FUT5: variants seen among roughly 807,000 people sequenced by gnomAD.
FUT5 encodes fucosyltransferase 5, also known as 4-galactosyl-N-acetylglucosaminide 3-alpha-L-fucosyltransferase FUT5.
A neutral mutation model predicts 0.8 loss-of-function variants in FUT5; 1 was observed. That is an observed-to-expected ratio of 1.26 (90% confidence interval 0.45 to 5.99). FUT5 has a LOEUF of 5.99. Ranked by LOEUF, FUT5 falls within the 30% of genes most tolerant of loss-of-function variation. FUT5 has a pLI of 0.15. For synonymous variants in FUT5, 212 were observed against 225.7 expected, an observed-to-expected ratio of 0.94 and a Z score of 0.54; for missense variants, 437 against 517.8, an observed-to-expected ratio of 0.84 and a Z score of 1.51.
Position 5,867,041 on chromosome 19 carries a change from G to A in FUT5, c.685C>T (p.His229Tyr), listed in dbSNP as rs760552998. 16 of 1,613,506 alleles carry A rather than the reference G, an allele frequency of 9.9e-6. No individual in the cohort carries two copies. The highest frequency in any genetic ancestry group is 5.3e-5 in the African/African-American group (4 of 74,872). The change falls in exon 2 of 2, where the codon CAT becomes TAT. Residue 229 changes from histidine to tyrosine, a missense_variant. Transcript: ENST00000588525. This position sits in a 1 kb window ranked among gnomAD's most constrained non-coding sequence, Gnocchi z 5.0. ...RVRYYQSLQA[H>Y]LKVDVYGRSH... ...CGTCCGTACACGTCCACCTTGAGAT[G>A]AGCCTGCAGGCTCTGGTAGTAGCGC...
chr19:5,867,387 G>A lies in FUT5; in HGVS notation c.339C>T (p.Tyr113=), dbSNP rs758230697. The A allele has an allele frequency of 8.7e-6, 14 of 1,613,810 alleles. No individual in the cohort carries two copies. The highest frequency in any genetic ancestry group is 6.7e-5 in the African/African-American group (5 of 74,914). The change falls in exon 2 of 2, where the codon TAC becomes TAT. Residue 113 remains tyrosine (Y), a synonymous_variant. Transcript: ENST00000588525. This position sits in a 1 kb window ranked among gnomAD's most constrained non-coding sequence, Gnocchi z 5.0. ...GCACGATGACCGCGTCTGCCTGTGG[G>A]TACACACTGGAGTCGGCAGTGATGT... ...DCNITADSSV[Y]PQADAVIVHH...
chr19:5,869,024 C>T (rs564581880), intron 1 of FUT5, among the ~76,000 whole-genome samples: 5 of 151,558 alleles, frequency 3.3e-5, no homozygotes, highest in Admixed American at 1.3e-4. Flanking sequence ...CTCTGTCGCC[C>T]AGGCTAGAGT....
At chr19:5,870,299 C>T (rs2057518762) in intron 1 of FUT5, among the ~76,000 whole-genome samples, 166 bp downstream of exon 1, 1 of 152,042 alleles carries the variant, frequency 6.6e-6, no homozygotes, top group Non-Finnish European at 1.5e-5. Context: ...ATACTTATCA[C>T]ATCACCAGCA....
At chr19:5,868,035 C>A (rs905705214) in intron 1 of FUT5, among the ~76,000 whole-genome samples, 1 of 152,130 alleles carries the variant, frequency 6.6e-6, no homozygotes, top group African/African-American at 2.4e-5. Flanking sequence ...AGTTTGCAGA[C>A]AAAGAAAAGG....
chr19:5,869,148 A>AT (rs923749095), intron 1 of FUT5, among the ~76,000 whole-genome samples: 3 of 150,244 alleles, frequency 2.0e-5, no homozygotes, highest in African/African-American at 4.9e-5. Context: ...TGCCCGGCTA[A>AT]TTTTTTTTTG....
rs911408558 is a variant in FUT5, at chr19:5,867,995, C to T, written c.-12-258G>A. Among the ~76,000 whole-genome samples the T allele has an allele frequency of 2.0e-5, 3 of 152,078 alleles. No individual in the cohort carries two copies. The highest frequency in any genetic ancestry group is 6.6e-5 in the Admixed American group (1 of 15,264). On this transcript the variant is annotated intron_variant, in intron 1 of 1. Coordinates refer to ENST00000588525, the MANE Select transcript of FUT5 (RefSeq NM_002034.2). The surrounding 1 kb of genome is among the most constrained non-coding windows in gnomAD (Gnocchi z 5.0). Reference sequence around the variant, plus strand: ...CCGTTGGATGAGGAAAGAGCCAGTGCCAAAGCCTGGCGGGGTGAGACACCT... The same window carrying T: ...CCGTTGGATGAGGAAAGAGCCAGTGTCAAAGCCTGGCGGGGTGAGACACCT...
chr19:5,868,773 C>G (rs2057514162), intron 1 of FUT5, among the ~76,000 whole-genome samples: 1 of 152,104 alleles, frequency 6.6e-6, no homozygotes, highest in Admixed American at 6.6e-5. Context: ...GGAGATCACA[C>G]CACTGAACGC....
chr19:5,866,212 G>A lies in FUT5; in HGVS notation c.*389C>T, dbSNP rs979014568. 1.3e-5 allele frequency: 5 copies of A among 372,948 alleles called. No homozygotes were observed. The highest frequency in any genetic ancestry group is 7.7e-5 in the Admixed American group (2 of 26,040). The allele number at this position is 372,948 out of a possible 1,614,324, so 23.1% of individuals were successfully genotyped here. On this transcript the variant is annotated 3_prime_UTR_variant, in exon 2 of 2. Transcript: ENST00000588525. This position sits in a 1 kb window ranked among gnomAD's most constrained non-coding sequence, Gnocchi z 4.9. ...TCCCTTGGGCCCTGTGCCTCCCAGC[G>A]GGTGAGGCTCCTAGCAGGTGACATT... is the stretch of plus-strand genomic sequence containing the variant.
Position 5,867,541 on chromosome 19 carries a change from G to A in FUT5, c.185C>T (p.Ser62Phe), listed in dbSNP as rs2057509689. 6.2e-7 allele frequency: 1 copy of A among 1,613,448 alleles called. No homozygotes were observed. Among genetic ancestry groups the A allele is most frequent in the Non-Finnish European group, 8.5e-7 (1 of 1,180,022 alleles). Residue 62 changes from serine (S) to phenylalanine (F), a missense_variant, in exon 2 of 2, where the codon TCC becomes TTC. By Grantham distance (155) the Ser-to-Phe change is radical. This residue lies in a region of FUT5 where 261 missense variants were observed against 242.6 expected (regional missense o/e 1.08). Coordinates refer to ENST00000588525, the MANE Select transcript of FUT5 (RefSeq NM_002034.2). This position sits in a 1 kb window ranked among gnomAD's most constrained non-coding sequence, Gnocchi z 5.0. Reference sequence around the variant, plus strand: ...GGTCGCCATGCTGTCCTGGCAGCGGGACCCATTGGGAGCCCCGGTGACAGG... The same window carrying A: ...GGTCGCCATGCTGTCCTGGCAGCGGAACCCATTGGGAGCCCCGGTGACAGG... ...VEPVTGAPNG[S>F]RCQDSMATPA...
chr19:5,866,522 TC>T lies in FUT5; in HGVS notation c.*78del, dbSNP rs773820613. 2 of 1,607,608 alleles carry T rather than the reference TC, an allele frequency of 1.2e-6. No individual in the cohort carries two copies. Among genetic ancestry groups the T allele is most frequent in the Non-Finnish European group, 1.7e-6 (2 of 1,177,056 alleles). On this transcript the variant is annotated 3_prime_UTR_variant, in exon 2 of 2. Transcript: ENST00000588525. The surrounding 1 kb of genome is among the most constrained non-coding windows in gnomAD (Gnocchi z 4.9). ...GCAGCCGAGGCCCCAGGTAGGTAAA[TC>T]CCCCGACTAGTGAGACCCTAGGTAG...
rs1266440600 is a variant in FUT5 at position 5,867,459 on chromosome 19, C to T, written c.267G>A (p.Val89=). The T allele has an allele frequency of 8.7e-6, 14 of 1,613,318 alleles. No individual in the cohort carries two copies. The highest frequency in any genetic ancestry group is 1.0e-5 in the Non-Finnish European group (12 of 1,179,936). ...CCATCTCTGAGCAGCGGGGCAGAGC[C>T]ACGGGTGTGTTAAAAGGCCACGTCC... The part of the protein sequence containing the change: ...LLWTWPFNTP[V]ALPRCSEMVP... The change falls in exon 2 of 2, where the codon GTG becomes GTA. Residue 89 remains valine (V), a synonymous_variant. Coordinates refer to ENST00000588525, the MANE Select transcript of FUT5 (RefSeq NM_002034.2). This position sits in a 1 kb window ranked among gnomAD's most constrained non-coding sequence, Gnocchi z 5.0.
intron 1 of FUT5, among the ~76,000 whole-genome samples, chr19:5,868,560 C>G (rs1048659024): frequency 6.6e-6 from 1 of 152,136 alleles, no homozygotes; most frequent in Non-Finnish European, 1.5e-5. Context: ...ATAGGCCAGG[C>G]GTGAGGGCTC....
chr19:5,868,564 A>G (rs7256646), intron 1 of FUT5, among the ~76,000 whole-genome samples: 48,949 of 152,088 alleles, frequency 0.32, 8,261 homozygotes, highest in African/African-American at 0.38. Flanking sequence ...GCCAGGCGTG[A>G]GGGCTCATGC....
intron 1 of FUT5, among the ~76,000 whole-genome samples, chr19:5,870,061 C>T (rs1215914009): frequency 1.7e-5 from 1 of 59,140 alleles, no homozygotes; most frequent in East Asian, 5.8e-4. Flanking sequence ...AGCTAAACTC[C>T]ATCTCAAAAA....
intron 1 of FUT5, among the ~76,000 whole-genome samples, chr19:5,869,824 G>A (rs975218527): frequency 2.0e-5 from 3 of 152,044 alleles, no homozygotes; most frequent in East Asian, 3.9e-4. Context: ...CCTCACGTCT[G>A]TAATACCAGC....
At chr19:5,869,495 C>T (rs1276090556) in intron 1 of FUT5, among the ~76,000 whole-genome samples, 2 of 151,840 alleles carry the variant, frequency 1.3e-5, no homozygotes, top group Admixed American at 6.6e-5. Context: ...AAATGATCCA[C>T]CTGCCTCGGC....
At chr19:5,870,242 C>T (rs184936453) in intron 1 of FUT5, among the ~76,000 whole-genome samples, 83 of 152,066 alleles carry the variant, frequency 5.5e-4, no homozygotes, top group Admixed American at 3.1e-3. Flanking sequence ...TTGTAAATTA[C>T]ATTCGGGGTA....
At position 5,867,426 on chromosome 19, in the gene FUT5, G is replaced by A. The variant is rs2057508913; in HGVS notation, c.300C>T (p.Gly100=). Residue 100 remains glycine (G), a synonymous_variant, in exon 2 of 2, where the codon GGC becomes GGT. Coordinates refer to ENST00000588525, the MANE Select transcript of FUT5 (RefSeq NM_002034.2). The surrounding 1 kb of genome is among the most constrained non-coding windows in gnomAD (Gnocchi z 5.0). ...CGGCAGTGATGTTGCAGTCGGCCGC[G>A]CCGGGCACCATCTCTGAGCAGCGGG... ...ALPRCSEMVP[G]AADCNITADS... 5.6e-6 allele frequency: 9 copies of A among 1,613,528 alleles called. No homozygotes were observed. The highest frequency in any genetic ancestry group is 1.1e-5 in the South Asian group (1 of 91,084).
chr19:5,868,987 AT>A (rs532737030), intron 1 of FUT5, among the ~76,000 whole-genome samples: 1,842 of 138,830 alleles, frequency 0.013, 12 homozygotes, highest in Non-Finnish European at 0.02. Context: ...TGCCCAGCTA[AT>A]TTTTTTTTTT....
Sources: allele counts gnomAD v4.1 joint callset (sites outside exome capture counted in the v4.1 genomes callset), GRCh38; gene constraint gnomAD v4.1.1; regional missense constraint gnomAD v4.1.1; non-coding constraint Gnocchi (gnomAD v3.1); transcripts MANE v1.5; gene names NCBI Gene and HGNC (gene_info 2026-07-23, HGNC 2026-07-21).